Variants in QNG1 observed in about 807,000 individuals in gnomAD.
QNG1 encodes Q-nucleotide N-glycosylase 1.
chr9:83,948,376 G>A, the QNG1 span, among the ~76,000 whole-genome samples: 1 of 150,288 alleles, frequency 6.7e-6, no homozygotes, highest in African/African-American at 2.4e-5. Context: ...CGTCCAGGAG[G>A]GAGGTGGGGG....
At chr9:83,939,648 T>G in the QNG1 span, 59 of 1,614,050 alleles carry the variant, frequency 3.7e-5, 1 homozygote, top group South Asian at 5.9e-4. Flanking sequence ...TTTTGTTCAA[T>G]AAGCTCCAGA....
At chr9:83,943,730 A>C in the QNG1 span, among the ~76,000 whole-genome samples, 14 of 152,298 alleles carry the variant, frequency 9.2e-5, no homozygotes, top group South Asian at 2.5e-3. Flanking sequence ...TTCTTTTAAA[A>C]AAATACATAA....
At chr9:83,953,590 C>G in the QNG1 span, 1 of 474,336 alleles carries the variant, frequency 2.1e-6, no homozygotes, top group Non-Finnish European at 3.9e-6. Context: ...TTGTGATCTA[C>G]CCGCCTTGGC....
the QNG1 span, among the ~76,000 whole-genome samples, chr9:83,953,494 C>A: frequency 6.6e-6 from 1 of 150,794 alleles, no homozygotes; most frequent in Admixed American, 6.6e-5. Flanking sequence ...ATTACAGGCA[C>A]CCACCACCAC....
chr9:83,955,612 G>A, the QNG1 span: 4 of 1,613,872 alleles, frequency 2.5e-6, no homozygotes, highest in African/African-American at 1.3e-5. Context: ...TCACTGTCGC[G>A]TAGTACGAGG....
chr9:83,954,973 A>G, the QNG1 span, among the ~76,000 whole-genome samples: 148 of 150,152 alleles, frequency 9.9e-4, no homozygotes, highest in Non-Finnish European at 1.6e-3. Flanking sequence ...TGAGGCGACC[A>G]GATTACCTGA....
the QNG1 span, among the ~76,000 whole-genome samples, chr9:83,949,364 C>A: frequency 1.3e-5 from 2 of 152,210 alleles, no homozygotes; most frequent in Non-Finnish European, 2.9e-5. Context: ...CAAGACATGG[C>A]TGGGTGCAGT....
the QNG1 span, chr9:83,939,374 G>A: frequency 1.5e-5 from 10 of 653,914 alleles, no homozygotes; most frequent in Non-Finnish European, 2.7e-6. Flanking sequence ...GCCCGGCCTA[G>A]GAAGTATTTT....
the QNG1 span, chr9:83,944,712 G>T: frequency 9.2e-7 from 1 of 1,088,750 alleles, no homozygotes; most frequent in Non-Finnish European, 1.3e-6. Context: ...TTTTTTTAAA[G>T]CAAAGGAGAC....
At chr9:83,955,918 T>C in the QNG1 span, among the ~76,000 whole-genome samples, 347 of 152,316 alleles carry the variant, frequency 2.3e-3, 2 homozygotes, top group African/African-American at 7.5e-3. Context: ...TCAAATGGCA[T>C]TCTTTATAAA....
At chr9:83,956,917 C>T in the QNG1 span, 2 of 160,166 alleles carry the variant, frequency 1.2e-5, no homozygotes, top group Non-Finnish European at 2.7e-5. Context: ...ACAGGTGGGA[C>T]TCGAAGACGG....
chr9:83,956,507 C>G, the QNG1 span: 2 of 1,518,120 alleles, frequency 1.3e-6, no homozygotes, highest in Admixed American at 2.3e-5. Flanking sequence ...CCATTCTGCC[C>G]TTTGGGACCC....
the QNG1 span, among the ~76,000 whole-genome samples, chr9:83,954,849 T>TCC: frequency 3.0e-5 from 3 of 101,110 alleles, no homozygotes; most frequent in African/African-American, 1.2e-4. Flanking sequence ...CACTGCACTC[T>TCC]AGCCTGGGTG....
chr9:83,955,050 T>G, the QNG1 span, among the ~76,000 whole-genome samples: 3 of 151,208 alleles, frequency 2.0e-5, no homozygotes, highest in Non-Finnish European at 4.4e-5. Flanking sequence ...ATACATAAAA[T>G]TAGCCGGGCT....
chr9:83,950,352 C>T, the QNG1 span, among the ~76,000 whole-genome samples: 1 of 151,856 alleles, frequency 6.6e-6, no homozygotes, highest in Admixed American at 6.6e-5. Context: ...CTGGCCATCT[C>T]TATAAAACAT....
At chr9:83,946,982 G>T in the QNG1 span, among the ~76,000 whole-genome samples, 2 of 152,042 alleles carry the variant, frequency 1.3e-5, no homozygotes, top group South Asian at 2.1e-4. Context: ...GAGGCAGGGG[G>T]TTTGCTTGAG....
At chr9:83,942,176 T>G in the QNG1 span, among the ~76,000 whole-genome samples, 15,494 of 152,220 alleles carry the variant, frequency 0.1, 984 homozygotes, top group Non-Finnish European at 0.13. Context: ...TAATTTGTTA[T>G]GTCAGCCCTA....
chr9:83,942,025 G>A, the QNG1 span, among the ~76,000 whole-genome samples: 36 of 152,312 alleles, frequency 2.4e-4, no homozygotes, highest in South Asian at 7.5e-3. Flanking sequence ...GAGCCACAAG[G>A]TACTGGAAAG....
At chr9:83,953,988 G>A in the QNG1 span, 51 of 573,840 alleles carry the variant, frequency 8.9e-5, no homozygotes, top group Non-Finnish European at 1.4e-4. Context: ...TCCACCTCTC[G>A]GGTTCAAGCG....
Sources: allele counts gnomAD v4.1 joint callset (sites outside exome capture counted in the v4.1 genomes callset), GRCh38; gene constraint gnomAD v4.1.1; transcripts MANE v1.5; gene names NCBI Gene and HGNC (gene_info 2026-07-23, HGNC 2026-07-21).